Variants in STIM1 observed in about 807,000 individuals in gnomAD.
STIM1 encodes the protein stromal interaction molecule 1.
A neutral mutation model predicts 74.7 loss-of-function variants in STIM1; 25 were observed. The observed-to-expected ratio is 0.33, with a 90% CI of 0.24 to 0.47. The LOEUF is 0.47. STIM1 is among the 20% of genes least tolerant of loss of function. The probability of loss-of-function intolerance (pLI) is 1.00; values close to 1 mark genes in which losing one functional copy is unlikely to be tolerated. For missense variants in STIM1, 728 were observed against 920.8 expected (o/e 0.79, Z 2.71); for synonymous variants, 328 against 348.8 (o/e 0.94, Z 0.66).
At chr11:3,967,790 G>A (rs2093353673) in intron 2 of STIM1, 108 bp downstream of exon 2, 1 of 1,526,752 alleles carries the variant, frequency 6.5e-7, no homozygotes, top group African/African-American at 1.4e-5. Context: ...CTGCTGGCTT[G>A]TTCTTTAGGA....
intron 1 of STIM1, chr11:3,961,660 C>T (rs1036012518): frequency 6.6e-6 from 1 of 152,014 alleles, no homozygotes; most frequent in African/African-American, 2.4e-5. Flanking sequence ...AGGTGTGCCC[C>T]ACCACACCTG....
intron 1 of STIM1, among the ~76,000 whole-genome samples, chr11:3,916,037 C>A (rs1424326889): frequency 0.012 from 1 of 82 alleles, no homozygotes; most frequent in Non-Finnish European, 0.024. Context: ...CAGCCTGGGC[C>A]CACAGGGTGA....
chr11:4,023,286 G>A (rs368862752), intron 2 of STIM1, among the ~76,000 whole-genome samples: 23 of 152,070 alleles, frequency 1.5e-4, no homozygotes, highest in Admixed American at 4.6e-4. Context: ...CTGAAATTGC[G>A]CCACTGCACT....
chr11:4,053,726 A>G (rs761565717), intron 3 of STIM1, among the ~76,000 whole-genome samples: 7 of 152,170 alleles, frequency 4.6e-5, no homozygotes, highest in Non-Finnish European at 1.0e-4. Flanking sequence ...AACTTAAAGT[A>G]TAATAAAATA....
chr11:3,922,637 T>A (rs372073958), intron 1 of STIM1: 1 of 171,978 alleles, frequency 5.8e-6, no homozygotes, highest in African/African-American at 2.4e-5. Context: ...AAAGCAAACG[T>A]GGTGAGGCAC....
chr11:3,951,316 G>C (rs1565125789), intron 1 of STIM1, among the ~76,000 whole-genome samples: 1 of 152,272 alleles, frequency 6.6e-6, no homozygotes, highest in Admixed American at 6.5e-5. Flanking sequence ...GATGCTGTTG[G>C]TTATCTTCTC....
chr11:4,002,800 C>T (rs1409478655), intron 2 of STIM1, among the ~76,000 whole-genome samples: 6 of 148,356 alleles, frequency 4.0e-5, no homozygotes, highest in Admixed American at 1.3e-4. Flanking sequence ...AATCCAGGAG[C>T]CGGTTTTTTG....
At chr11:3,932,289 A>G (rs1054748950) in intron 1 of STIM1, among the ~76,000 whole-genome samples, 2 of 152,226 alleles carry the variant, frequency 1.3e-5, no homozygotes, top group African/African-American at 4.8e-5. Flanking sequence ...AGGGTTTGGT[A>G]CAACAGACAC....
intron 2 of STIM1, among the ~76,000 whole-genome samples, chr11:4,003,644 C>T (rs2093744983): frequency 6.6e-6 from 1 of 152,094 alleles, no homozygotes; most frequent in African/African-American, 2.4e-5. Flanking sequence ...ACTGAATGGG[C>T]AAAAACTGGA....
At chr11:4,018,511 G>A (rs1349549194) in intron 2 of STIM1, among the ~76,000 whole-genome samples, 2 of 150,360 alleles carry the variant, frequency 1.3e-5, no homozygotes, top group Admixed American at 1.3e-4. Flanking sequence ...CAGGAGTGGT[G>A]GTGCATGCCT....
intron 1 of STIM1, among the ~76,000 whole-genome samples, chr11:3,936,366 C>T (rs941093780): frequency 6.6e-6 from 1 of 152,184 alleles, no homozygotes; most frequent in African/African-American, 2.4e-5. Context: ...GACTTACAAT[C>T]TAAGCACTAG....
Position 3,856,150 on chromosome 11 carries a change from A to T in STIM1, c.-121A>T. 1 of 1,366,958 alleles carries T rather than the reference A, an allele frequency of 7.3e-7. No homozygotes were observed. The highest frequency in any genetic ancestry group is 1.0e-6 in the Non-Finnish European group (1 of 971,940). 84.7% of individuals were successfully genotyped at this position (1,366,958 alleles called of 1,614,324 possible). A position where few individuals can be genotyped will look rare whatever the true frequency, so the allele number is the denominator to read the frequency against. ...GGGGCAGGCTCGCGGGTGGCTGGAC[A>T]GCTGCGGAGCCGCGAGGGCATCTTG... On this transcript the variant is annotated 5_prime_UTR_variant, in exon 1 of 13. Transcript: ENST00000526596.
intron 2 of STIM1, among the ~76,000 whole-genome samples, chr11:3,975,631 AGAAGAAG>A (rs113491576): frequency 5.8e-4 from 88 of 152,134 alleles, no homozygotes; most frequent in East Asian, 9.6e-4. Flanking sequence ...AAAAAGAAGA[AGAAGAAG>A]GAAGAAGGAA....
intron 3 of STIM1, among the ~76,000 whole-genome samples, chr11:4,041,308 A>C (rs758315235): frequency 3.3e-5 from 5 of 152,202 alleles, no homozygotes. Flanking sequence ...GAGTTCATGC[A>C]TATTCACCTC....
intron 3 of STIM1, among the ~76,000 whole-genome samples, chr11:4,043,077 G>T (rs2094161046): frequency 6.6e-6 from 1 of 152,152 alleles, no homozygotes. Context: ...AGTGATTTAC[G>T]CAAGCTAGTT....
chr11:4,037,866 G>A (rs550658808), intron 3 of STIM1, among the ~76,000 whole-genome samples: 117 of 151,960 alleles, frequency 7.7e-4, no homozygotes, highest in African/African-American at 1.8e-3. Context: ...TTTGTTTTCC[G>A]TTTGTCCCAT....
intron 1 of STIM1, among the ~76,000 whole-genome samples, chr11:3,873,343 G>A (rs186759965): frequency 2.2e-4 from 34 of 151,420 alleles, no homozygotes; most frequent in African/African-American, 7.8e-4. Flanking sequence ...GCTTGAACCC[G>A]GGAGGCGTAG....
rs181808468 is a variant in STIM1 at position 4,019,819 on chromosome 11, G to A, written c.271-4054G>A. Among the ~76,000 whole-genome samples, 107 of 152,128 alleles carry A rather than the reference G, an allele frequency of 7.0e-4. 1 individual carries two copies. In the South Asian group the frequency reaches 0.012, roughly 17 times the overall value. ...TGAACATTCAAAATCCTTTCTTCTAGCTATTTTGAAATATACACTATATTA... is the reference window on the plus strand; with the variant it reads ...TGAACATTCAAAATCCTTTCTTCTAACTATTTTGAAATATACACTATATTA... On this transcript the variant is annotated intron_variant, in intron 2 of 12. Coordinates refer to ENST00000526596, the MANE Select transcript of STIM1 (RefSeq NM_001382567.1).
chr11:4,036,208 A>G (rs1382562563), intron 3 of STIM1, among the ~76,000 whole-genome samples: 1 of 152,108 alleles, frequency 6.6e-6, no homozygotes, highest in Non-Finnish European at 1.5e-5. Context: ...ATGGGTGCAT[A>G]GTATTCCATG....
Sources: gnomAD v4.1 joint callset for allele counts (sites outside exome capture counted in the v4.1 genomes callset) on GRCh38, gnomAD v4.1.1 for gene constraint, MANE v1.5 for transcripts, NCBI Gene and HGNC (gene_info 2026-07-23, HGNC 2026-07-21) for gene names.